Variants in CDK17 observed in about 807,000 individuals in gnomAD.
CDK17 encodes cyclin-dependent kinase 17.
In CDK17, 24 loss-of-function variants were observed where a neutral mutation model predicts 77.6. The ratio of observed to expected loss-of-function variants is 0.31; its 90% CI spans 0.22 to 0.44. CDK17 has a LOEUF of 0.44. CDK17 is among the 20% of genes least tolerant of loss of function. The pLI is 1.00. For missense variants in CDK17, 429 were observed against 622.5 expected (o/e 0.69, Z 3.31); for synonymous variants, 203 against 210.4 (o/e 0.96, Z 0.30).
intron 1 of CDK17, chr12:96,335,270 C>T (rs576135847): frequency 2.4e-5 from 7 of 292,306 alleles, no homozygotes; most frequent in East Asian, 9.9e-5. Flanking sequence ...AACAGGGAGG[C>T]GGGTGAGGTA....
At position 96,289,186 on chromosome 12, in the gene CDK17, A is replaced by G; in HGVS notation, c.1099T>C (p.Ser367Pro). 6.2e-7 allele frequency: 1 copy of G among 1,613,938 alleles called. No homozygotes were observed. The highest frequency in any genetic ancestry group is 8.5e-7 in the Non-Finnish European group (1 of 1,179,824). ...ATTTACCACATGTCAATCTGTGTTG[A>G]GTACTCCGAGGAACCAAGAAGCACA... ...PDVLLGSSEY[S>P]TQIDMWGVGC... Residue 367 changes from serine (S) to proline (P), a missense_variant, in exon 11 of 17, where the codon TCA becomes CCA. By Grantham distance (74) the Ser-to-Pro change is moderately conservative (BLOSUM62 -1). This residue lies in a region of CDK17 where 51 missense variants were observed against 96.5 expected (regional missense o/e 0.53). Coordinates refer to ENST00000261211, the MANE Select transcript of CDK17 (RefSeq NM_002595.5).
intron 10 of CDK17, among the ~76,000 whole-genome samples, chr12:96,291,078 G>A (rs1015398464): frequency 4.2e-5 from 6 of 142,508 alleles, no homozygotes; most frequent in Non-Finnish European, 6.0e-5. Flanking sequence ...AATACTCAAA[G>A]TTATATGACC....
intron 3 of CDK17, among the ~76,000 whole-genome samples, chr12:96,314,124 G>A (rs758167055): frequency 2.0e-5 from 3 of 152,194 alleles, no homozygotes; most frequent in Non-Finnish European, 4.4e-5. Context: ...GTTATGGCAT[G>A]CTTAATAGAG....
At chr12:96,314,986 G>C (rs180880461) in intron 3 of CDK17, among the ~76,000 whole-genome samples, 1,553 of 152,200 alleles carry the variant, frequency 0.01, 46 homozygotes, top group Admixed American at 0.062. Context: ...TAAGATCCTT[G>C]GGGATGGGAT....
chr12:96,306,535 A>C (rs971869256), intron 5 of CDK17, among the ~76,000 whole-genome samples: 1 of 152,200 alleles, frequency 6.6e-6, no homozygotes, highest in Non-Finnish European at 1.5e-5. Flanking sequence ...GATTAAGGGT[A>C]TATTATCCAT....
At chr12:96,287,489 G>A (rs1188299630) in intron 11 of CDK17, among the ~76,000 whole-genome samples, 2 of 152,146 alleles carry the variant, frequency 1.3e-5, no homozygotes, top group Non-Finnish European at 2.9e-5. Flanking sequence ...ATGGAAAATA[G>A]TATGGTGGTT....
intron 10 of CDK17, among the ~76,000 whole-genome samples, chr12:96,294,074 T>C (rs533468757): frequency 6.6e-6 from 1 of 152,332 alleles, no homozygotes; most frequent in Non-Finnish European, 1.5e-5. Context: ...ACAGGGCTAG[T>C]TCAATGTGCA....
At chr12:96,316,009 G>A (rs1271675750) in intron 3 of CDK17, among the ~76,000 whole-genome samples, 1 of 152,186 alleles carries the variant, frequency 6.6e-6, no homozygotes, top group Non-Finnish European at 1.5e-5. Flanking sequence ...GAGCGACGCA[G>A]AAGACGGGTG....
At chr12:96,283,158 C>A (rs1240303545) in intron 14 of CDK17, among the ~76,000 whole-genome samples, 1 of 152,086 alleles carries the variant, frequency 6.6e-6, no homozygotes, top group African/African-American at 2.4e-5. Flanking sequence ...TGGAAAGAAA[C>A]CTTGTAGGGG....
intron 6 of CDK17, among the ~76,000 whole-genome samples, 197 bp downstream of exon 6, chr12:96,300,107 C>G (rs1046771002): frequency 1.3e-5 from 2 of 152,242 alleles, no homozygotes; most frequent in African/African-American, 4.8e-5. Context: ...AATTCATTTC[C>G]TCTCAAACTG....
At chr12:96,293,844 T>C (rs148216663) in intron 10 of CDK17, among the ~76,000 whole-genome samples, 1,542 of 152,348 alleles carry the variant, frequency 0.01, 46 homozygotes, top group Admixed American at 0.061. Context: ...TCTCTAAGTA[T>C]TGAAAAGCCA....
At chr12:96,330,095 A>G (rs1952946543) in intron 2 of CDK17, among the ~76,000 whole-genome samples, 1 of 152,202 alleles carries the variant, frequency 6.6e-6, no homozygotes, top group Non-Finnish European at 1.5e-5. Context: ...TTACCTTTCT[A>G]CAACTGTGAT....
intron 10 of CDK17, among the ~76,000 whole-genome samples, chr12:96,291,662 G>A (rs1246304520): frequency 7.8e-6 from 1 of 128,768 alleles, no homozygotes; most frequent in African/African-American, 3.0e-5. Context: ...ATGAAGTCTC[G>A]CTCTGTCATG....
intron 3 of CDK17, among the ~76,000 whole-genome samples, chr12:96,316,921 C>T (rs1482832084): frequency 1.3e-5 from 2 of 151,050 alleles, no homozygotes; most frequent in East Asian, 2.0e-4. Context: ...CAAAGGAACA[C>T]AGTTCCTCAC....
chr12:96,300,686 C>A (rs113257306), intron 5 of CDK17, among the ~76,000 whole-genome samples: 2 of 152,150 alleles, frequency 1.3e-5, no homozygotes, highest in African/African-American at 4.8e-5. Flanking sequence ...CGTAAGCCAC[C>A]GCGCCCAGCC....
chr12:96,313,078 T>C (rs73366508), intron 4 of CDK17, among the ~76,000 whole-genome samples: 1 of 152,058 alleles, frequency 6.6e-6, no homozygotes, highest in African/African-American at 2.4e-5. Flanking sequence ...TCGCAAAAAA[T>C]TAAAATAAAA....
intron 2 of CDK17, among the ~76,000 whole-genome samples, chr12:96,333,778 T>C (rs942953209): frequency 6.6e-6 from 1 of 152,094 alleles, no homozygotes; most frequent in African/African-American, 2.4e-5. Context: ...TGAAGAAACC[T>C]GGGTTCTAAA....
At chr12:96,349,763 T>C (rs1289596858) in intron 1 of CDK17, among the ~76,000 whole-genome samples, 6 of 152,122 alleles carry the variant, frequency 3.9e-5, no homozygotes, top group Non-Finnish European at 8.8e-5. Flanking sequence ...CTGGAAGTTC[T>C]AGTCAGAACA....
At chr12:96,317,042 G>GA (rs1952740071) in intron 3 of CDK17, among the ~76,000 whole-genome samples, 1 of 130,992 alleles carries the variant, frequency 7.6e-6, no homozygotes, top group Admixed American at 7.9e-5. Flanking sequence ...CAAAGGCAAA[G>GA]AAGTTGAAAA....
Sources: gnomAD v4.1 joint callset for allele counts (sites outside exome capture counted in the v4.1 genomes callset) on GRCh38, gnomAD v4.1.1 for gene constraint, gnomAD v4.1.1 regional missense constraint, MANE v1.5 for transcripts, NCBI Gene and HGNC (gene_info 2026-07-23, HGNC 2026-07-21) for gene names.